Variants in TTN observed in about 807,000 individuals in gnomAD.
TTN encodes the protein connectin.
Under a neutral mutation model 3,223.0 loss-of-function variants are expected in TTN, and 1,525 were observed. The observed-to-expected ratio is 0.47, with a 90% CI of 0.45 to 0.49. The LOEUF is 0.49. TTN is among the 20% of genes least tolerant of loss of function. The pLI is 0.00. For missense variants in TTN, 40,786 were observed against 43,424.0 expected, an observed-to-expected ratio of 0.94 and a Z score of 5.40; for synonymous variants, 14,094 against 15,161.0, an observed-to-expected ratio of 0.93 and a Z score of 5.17.
Position 178,712,062 on chromosome 2 carries a change from C to G in TTN, c.27768G>C (p.Arg9256Ser). 6.2e-7 allele frequency: 1 copy of G among 1,613,792 alleles called. No individual in the cohort carries two copies. Among genetic ancestry groups the G allele is most frequent in the Non-Finnish European group, 8.5e-7 (1 of 1,179,778 alleles). The stretch of plus-strand genomic sequence containing the variant: ...TGAAAACCAGTGTAGCAACATTATT[C>G]CTAAAATGCATTTTGTAAGTCGTAG... The part of the protein sequence containing the change: ...RPTTTYKMHF[R>S]NNVATLVFNQ... The change falls in exon 96 of 363, where the codon AGG (arginine) becomes AGC (serine). Residue 9256 changes from arginine (R) to serine (S), a missense_variant. Transcript: ENST00000589042.
At chr2:178,747,486 C>T in intron 47 of TTN, 2 of 1,613,344 alleles carry the variant, frequency 1.2e-6, no homozygotes, top group Non-Finnish European at 1.7e-6. Context: ...CTTCCCACAC[C>T]AATGGAAATG....
Position 178,553,061 on chromosome 2 carries a change from G to A in TTN, c.89839C>T (p.Arg29947Ter), listed in dbSNP as rs727505224. The A allele has an allele frequency of 6.2e-7, 1 of 1,612,508 alleles. No homozygotes were observed. The highest frequency in any genetic ancestry group is 8.5e-7 in the Non-Finnish European group (1 of 1,179,512). ...CQKLQVKHVSRGTVTLLWDPP... is the reference protein window; with the variant it reads ...CQKLQVKHVS ...TCCCAGAGCAAAGTGACTGTGCCTC[G>A]AGAAACATGTTTAACCTGTAGTTTC... Residue 29947 changes from arginine (R) to a stop codon, truncating the protein, a stop_gained, in exon 335 of 363, where the codon CGA becomes TGA. Transcript: ENST00000589042. LOFTEE classifies it high-confidence loss of function.
chr2:178,615,061 T>C (rs886452174), intron 259 of TTN, 93 bp from the exon 260 acceptor site: 1 of 1,139,014 alleles, frequency 8.8e-7, no homozygotes, highest in Non-Finnish European at 1.2e-6. Context: ...AAACCCCTGG[T>C]ATAATACTAG....
Position 178,568,495 on chromosome 2 carries a change from C to T in TTN, c.77637G>A (p.Lys25879=), listed in dbSNP as rs762009336. ...GAGTTACAATTTCGATGGATGCTGT[C>T]TTCTGACCAACAACATTGGCAACTG... is the stretch of plus-strand genomic sequence containing the variant. The part of the protein sequence containing the change: ...GITVANVVGQ[K]TASIEIVTLD... The change falls in exon 326 of 363, where the codon AAG becomes AAA. Residue 25879 remains lysine (K), a synonymous_variant. Coordinates refer to ENST00000589042, the MANE Select transcript of TTN (RefSeq NM_001267550.2). 1 of 1,613,378 alleles carries T rather than the reference C, an allele frequency of 6.2e-7. No homozygotes were observed. Among genetic ancestry groups the T allele is most frequent in the Admixed American group, 1.7e-5 (1 of 59,964 alleles).
In TTN at chr2:178,571,118, T is replaced by G. The variant is rs761496228; in HGVS notation, c.75014A>C (p.Asp25005Ala). Reference protein sequence around the residue: ...SKVSECYVARDPCDPPGRPEA... With the variant: ...SKVSECYVARAPCDPPGRPEA... ...TGGCCGTCCTGGTGGATCACATGGGTCACGAGCCACATAACATTCTGATAC... is the reference window on the plus strand; with the variant it reads ...TGGCCGTCCTGGTGGATCACATGGGGCACGAGCCACATAACATTCTGATAC... Residue 25005 changes from aspartate to alanine, a missense_variant, in exon 326 of 363, where the codon GAC (aspartate) becomes GCC (alanine). Transcript: ENST00000589042. The G allele has an allele frequency of 6.2e-7, 1 of 1,613,442 alleles. No homozygotes were observed. The highest frequency in any genetic ancestry group is 1.1e-5 in the South Asian group (1 of 91,070).
chr2:178,650,122 G>A (rs1284864526), intron 210 of TTN, 42 bp downstream of exon 210: 9 of 1,511,126 alleles, frequency 6.0e-6, no homozygotes, highest in African/African-American at 1.4e-5. Context: ...CATGAAAAAT[G>A]AAATGACTGT....
At position 178,595,655 on chromosome 2, in the gene TTN, T is replaced by A. The variant is rs374467756; in HGVS notation, c.57699A>T (p.Pro19233=). 5 of 1,607,934 alleles carry A rather than the reference T, an allele frequency of 3.1e-6. No homozygotes were observed. In the African/African-American group the frequency reaches 5.3e-5, roughly 17 times the overall value. Residue 19233 remains proline, a synonymous_variant, in exon 295 of 363, where the codon CCA becomes CCT. Transcript: ENST00000589042. ...TTTGTCGGGTAACTGTATATGTCAC[T>A]GGGGTCCATGCTCTGCGGTCAGATT... ...KRESDRRAWT[P]VTYTVTRQNA... is the part of the protein sequence containing the mutation.
Position 178,557,443 on chromosome 2 carries a change from G to A in TTN, c.87819C>T (p.His29273=), listed in dbSNP as rs2154155624. Reference sequence around the variant, plus strand: ...TACTGTTTCTGTCTTTCATTTCCAGGTGATAGCCTACGACTGCACTGCCTC... The same window carrying A: ...TACTGTTTCTGTCTTTCATTTCCAGATGATAGCCTACGACTGCACTGCCTC... ...SNGGSAVVGY[H]LEMKDRNSIL... Residue 29273 remains histidine, a synonymous_variant, in exon 329 of 363, where the codon CAC becomes CAT. Transcript: ENST00000589042. The A allele has an allele frequency of 2.5e-6, 4 of 1,613,914 alleles. No individual in the cohort carries two copies. Among genetic ancestry groups the A allele is most frequent in the Non-Finnish European group, 3.4e-6 (4 of 1,179,852 alleles).
At position 178,704,317 on chromosome 2, in the gene TTN, T is replaced by A; in HGVS notation, c.30053A>T (p.Lys10018Ile). Residue 10018 changes from lysine to isoleucine, a missense_variant, in exon 106 of 363, where the codon AAA becomes ATA. Physicochemically the swap from Lys to Ile is moderately radical, Grantham distance 102. Coordinates refer to ENST00000589042, the MANE Select transcript of TTN (RefSeq NM_001267550.2). The part of the protein sequence containing the change: ...MTCQFSVPNV[K>I]SEWFRNGRIL... ...TCTGCCATTTCTGAACCATTCAGATTTTACATTTGGTACAGAAAATTGGCA... is the reference window on the plus strand; with the variant it reads ...TCTGCCATTTCTGAACCATTCAGATATTACATTTGGTACAGAAAATTGGCA... 6.2e-7 allele frequency: 1 copy of A among 1,614,018 alleles called. No homozygotes were observed. Among genetic ancestry groups the A allele is most frequent in the African/African-American group, 1.3e-5 (1 of 75,054 alleles).
chr2:178,767,890 G>A lies in TTN; in HGVS notation c.9340C>T (p.Leu3114Phe), dbSNP rs556868685. The A allele has an allele frequency of 3.1e-6, 5 of 1,614,122 alleles. No individual in the cohort carries two copies. The highest frequency in any genetic ancestry group is 1.7e-5 in the Admixed American group (1 of 60,014). ...KIQKEKYVHR[L>F]LIPSTRMSDA... is the part of the protein sequence containing the mutation. Reference sequence around the variant, plus strand: ...GACATCCGGGTGGATGGGATCAGAAGGCGGTGGACATATTTCTCCTTCTGA... The same window carrying A: ...GACATCCGGGTGGATGGGATCAGAAAGCGGTGGACATATTTCTCCTTCTGA... The change falls in exon 40 of 363, where the codon CTT (leucine) becomes TTT (phenylalanine). Residue 3114 changes from leucine (L) to phenylalanine (F), a missense_variant. Coordinates refer to ENST00000589042, the MANE Select transcript of TTN (RefSeq NM_001267550.2).
At chr2:178,652,437 C>T (rs1576974222) in intron 202 of TTN, 21 bp downstream of exon 202, 1 of 1,613,154 alleles carries the variant, frequency 6.2e-7, no homozygotes, top group East Asian at 2.2e-5. Context: ...TCATCTGAAG[C>T]CTAAAATCAG....
At chr2:178,594,761 C>G in intron 295 of TTN, 115 bp from the exon 296 acceptor site, 2 of 816,080 alleles carry the variant, frequency 2.5e-6, no homozygotes, top group South Asian at 4.5e-5. Flanking sequence ...ACTCTCTGCT[C>G]CCATAAATAG....
At chr2:178,750,961 C>CA in intron 47 of TTN, 1 of 1,612,868 alleles carries the variant, frequency 6.2e-7, no homozygotes, top group Non-Finnish European at 8.5e-7. Flanking sequence ...TTTCCTTTAC[C>CA]AGTGCTTCTT....
At chr2:178,779,975 G>C in intron 22 of TTN, 25 bp downstream of exon 22, 1 of 1,596,476 alleles carries the variant, frequency 6.3e-7, no homozygotes, top group Non-Finnish European at 8.6e-7. Flanking sequence ...GAAATTGTTT[G>C]GTTGGTCATT....
At chr2:178,625,247 G>A in intron 241 of TTN, 26 bp downstream of exon 241, 2 of 1,601,008 alleles carry the variant, frequency 1.2e-6, no homozygotes, top group Non-Finnish European at 1.7e-6. Context: ...CCTTATACAT[G>A]TTTTTAAAAT....
intron 128 of TTN, 59 bp from the exon 129 acceptor site, chr2:178,685,389 G>A: frequency 4.0e-6 from 6 of 1,490,308 alleles, no homozygotes; most frequent in African/African-American, 1.4e-5. Flanking sequence ...CGATAAAAGT[G>A]TAAGGGATCT....
intron 99 of TTN, 79 bp from the exon 100 acceptor site, chr2:178,707,892 A>G (rs1028557445): frequency 2.4e-5 from 35 of 1,473,554 alleles, no homozygotes; most frequent in Middle Eastern, 1.8e-4. Flanking sequence ...AAATAAAGAG[A>G]AAAACTGGCC....
chr2:178,588,194 G>A lies in TTN; in HGVS notation c.63213C>T (p.Phe21071=). 1 of 1,583,742 alleles carries A rather than the reference G, an allele frequency of 6.3e-7. No homozygotes were observed. Among genetic ancestry groups the A allele is most frequent in the Non-Finnish European group, 8.6e-7 (1 of 1,160,342 alleles). Residue 21071 remains phenylalanine, a synonymous_variant, in exon 305 of 363, where the codon TTC becomes TTT. Transcript: ENST00000589042. Reference sequence around the variant, plus strand: ...AATGTTTGGTTGTATCAACCACTCTGAAATTGGTTGGTGGACCAGGTGGCT... The same window carrying A: ...AATGTTTGGTTGTATCAACCACTCTAAAATTGGTTGGTGGACCAGGTGGCT... The part of the protein sequence containing the change: ...PIEPPGPPTN[F]RVVDTTKHSI...
At chr2:178,664,988 C>T in intron 165 of TTN, 62 bp from the exon 166 acceptor site, 1 of 1,518,742 alleles carries the variant, frequency 6.6e-7, no homozygotes, top group Non-Finnish European at 8.9e-7. Flanking sequence ...ACAGTAACCA[C>T]AATAAGTTAG....
Sources: allele counts gnomAD v4.1 joint callset, GRCh38; gene constraint gnomAD v4.1.1; transcripts MANE v1.5; gene names NCBI Gene and HGNC (gene_info 2026-07-23, HGNC 2026-07-21).